Variants in SCUBE2 observed in about 807,000 individuals in gnomAD.
The protein encoded by SCUBE2 is signal peptide, CUB domain and EGF like domain containing 2, also known as signal peptide, CUB and EGF-like domain-containing protein 2.
A neutral mutation model predicts 125.9 loss-of-function variants in SCUBE2; 114 were observed. The ratio of observed to expected loss-of-function variants is 0.91; its 90% CI spans 0.78 to 1.06. SCUBE2 has a LOEUF of 1.06. Ranked by LOEUF, SCUBE2 falls within the 50% of genes least tolerant of loss-of-function variation. The probability of loss-of-function intolerance (pLI) is 0.00; values close to 1 mark genes in which losing one functional copy is unlikely to be tolerated. For missense variants in SCUBE2, 1,255 were observed against 1,301.8 expected, an observed-to-expected ratio of 0.96 and a Z score of 0.55; for synonymous variants, 459 against 492.9, an observed-to-expected ratio of 0.93 and a Z score of 0.91.
intron 16 of SCUBE2, among the ~76,000 whole-genome samples, chr11:9,040,328 G>A (rs1393377403): frequency 6.6e-6 from 1 of 152,188 alleles, no homozygotes; most frequent in Non-Finnish European, 1.5e-5. Flanking sequence ...ATGTGAATGT[G>A]GTCTCTCTCT....
At chr11:9,076,164 G>C (rs1006121598) in intron 3 of SCUBE2, among the ~76,000 whole-genome samples, 1 of 152,114 alleles carries the variant, frequency 6.6e-6, no homozygotes, top group Non-Finnish European at 1.5e-5. Context: ...GCGGGAGTGT[G>C]GGAAGGGAGC....
intron 9 of SCUBE2, among the ~76,000 whole-genome samples, 179 bp from the exon 10 acceptor site, chr11:9,056,088 G>A (rs944442207): frequency 2.6e-5 from 4 of 152,194 alleles, no homozygotes; most frequent in Non-Finnish European, 4.4e-5. Flanking sequence ...CAGCCCACAA[G>A]AAGTATACTG....
At chr11:9,041,443 G>T (rs1276298701) in intron 16 of SCUBE2, among the ~76,000 whole-genome samples, 1 of 152,176 alleles carries the variant, frequency 6.6e-6, no homozygotes, top group Non-Finnish European at 1.5e-5. Context: ...CAGAAAGTAG[G>T]GGAGGAACCG....
intron 2 of SCUBE2, among the ~76,000 whole-genome samples, chr11:9,080,601 A>G (rs1356584654): frequency 6.6e-6 from 1 of 151,846 alleles, no homozygotes; most frequent in Non-Finnish European, 1.5e-5. Flanking sequence ...GTGAGCCAAG[A>G]TGACACCACT....
At chr11:9,053,517 G>A in intron 11 of SCUBE2, 120 bp downstream of exon 11, 1 of 1,142,272 alleles carries the variant, frequency 8.8e-7, no homozygotes, top group Non-Finnish European at 1.3e-6. Context: ...AACAGTTGCT[G>A]CAGCTGGTGG....
At chr11:9,045,602 G>GAC (rs1370380116) in intron 16 of SCUBE2, among the ~76,000 whole-genome samples, 14 of 75,460 alleles carry the variant, frequency 1.9e-4, no homozygotes, top group African/African-American at 4.7e-4. Flanking sequence ...CTAGAAGACA[G>GAC]ACAGACAGAC....
chr11:9,056,338 G>C (rs1416515956), intron 9 of SCUBE2, among the ~76,000 whole-genome samples: 1 of 152,184 alleles, frequency 6.6e-6, no homozygotes, highest in Non-Finnish European at 1.5e-5. Context: ...ATTGAAAGGA[G>C]AAAACACTTG....
chr11:9,090,491 T>TTATTTATTTATTTA (rs201733124), intron 1 of SCUBE2: 1 of 105,342 alleles, frequency 9.5e-6, no homozygotes, highest in Non-Finnish European at 2.3e-5. Context: ...ATTTATTTAT[T>TTATTTATTTATTTA]TTTTTTTTTT....
In SCUBE2 at chr11:9,091,419, C is replaced by T. The variant is rs1468762775; in HGVS notation, c.110G>A (p.Gly37Asp). The change falls in exon 1 of 23, where the codon GGC (glycine) becomes GAC (aspartate). Residue 37 changes from glycine to aspartate, a missense_variant. Around this residue, in one of 3 missense-constraint regions of SCUBE2, gnomAD observed 362 missense variants for 323.0 expected, o/e 1.12. Transcript: ENST00000649792. This position sits in a 1 kb window ranked among gnomAD's most constrained non-coding sequence, Gnocchi z 8.5. ...LLAGAVPPGR[G>D]RAAGPQEDVD... The stretch of plus-strand genomic sequence containing the variant: ...ACCCTCCTGCGGCCCCGCGGCACGG[C>T]CCCGACCCGGCGGGACGGCCCCCGC... 2.3e-6 allele frequency: 3 copies of T among 1,332,034 alleles called. No individual in the cohort carries two copies. Among genetic ancestry groups the T allele is most frequent in the Non-Finnish European group, 2.9e-6 (3 of 1,043,368 alleles). 82.5% of individuals were successfully genotyped at this position (1,332,034 alleles called of 1,614,324 possible).
intron 20 of SCUBE2, chr11:9,026,130 C>A: frequency 3.5e-6 from 1 of 288,766 alleles, no homozygotes; most frequent in Non-Finnish European, 6.4e-6. Context: ...TGGGTGAGGG[C>A]CTCCCATTCC....
At chr11:9,067,187 T>C (rs1284077448) in intron 5 of SCUBE2, among the ~76,000 whole-genome samples, 1 of 152,244 alleles carries the variant, frequency 6.6e-6, no homozygotes, top group Admixed American at 6.5e-5. Flanking sequence ...TGGGAAATGC[T>C]ATAGCACTTT....
intron 19 of SCUBE2, 28 bp downstream of exon 19, chr11:9,029,856 C>G (rs1479955349): frequency 1.2e-6 from 2 of 1,613,652 alleles, no homozygotes; most frequent in African/African-American, 1.3e-5. Flanking sequence ...TTAGCCAGAA[C>G]TATGAAAAGC....
chr11:9,030,653 C>T (rs1379482219), intron 18 of SCUBE2, 105 bp downstream of exon 18: 28 of 1,195,204 alleles, frequency 2.3e-5, no homozygotes, highest in Non-Finnish European at 3.1e-5. Flanking sequence ...CCCCCAGCCA[C>T]TGGGGCACTG....
In SCUBE2 at chr11:9,077,981, C is replaced by T. The variant is rs556199950; in HGVS notation, c.382+1403G>A. On this transcript the variant is annotated intron_variant, in intron 3 of 22. Transcript: ENST00000649792. Reference sequence around the variant, plus strand: ...AGGAACCTTATACTACCCCCCGCCACCCCGGGCTGTGGATTACAGCACAAC... The same window carrying T: ...AGGAACCTTATACTACCCCCCGCCATCCCGGGCTGTGGATTACAGCACAAC... 7.5e-4 allele frequency among the ~76,000 whole-genome samples: 114 copies of T among 152,334 alleles called. 1 individual carries two copies. Among genetic ancestry groups the T allele is most frequent in the Non-Finnish European group, 1.3e-3 (86 of 68,022 alleles).
intron 2 of SCUBE2, among the ~76,000 whole-genome samples, chr11:9,080,542 T>C (rs1861547508): frequency 1.3e-5 from 2 of 151,632 alleles, no homozygotes; most frequent in African/African-American, 4.8e-5. Context: ...TCCCAGCTGC[T>C]TGGGAGGCTG....
chr11:9,048,620 C>A (rs1858036767), intron 14 of SCUBE2, among the ~76,000 whole-genome samples: 1 of 152,140 alleles, frequency 6.6e-6, no homozygotes, highest in African/African-American at 2.4e-5. Context: ...TTTTAAATAA[C>A]CAGGAGCAAT....
At chr11:9,022,496 C>G (rs1390853904) in intron 21 of SCUBE2, 1 of 154,476 alleles carries the variant, frequency 6.5e-6, no homozygotes, top group Non-Finnish European at 1.4e-5. Context: ...TCTCTTAAAC[C>G]CAGTCCAATC....
At chr11:9,046,402 A>G (rs898785793) in intron 16 of SCUBE2, among the ~76,000 whole-genome samples, 2 of 152,046 alleles carry the variant, frequency 1.3e-5, no homozygotes, top group Non-Finnish European at 2.9e-5. Context: ...GAACATACCC[A>G]TGGTAGTATT....
intron 16 of SCUBE2, among the ~76,000 whole-genome samples, chr11:9,043,800 CTATT>C (rs1478774276): frequency 1.2e-4 from 18 of 144,250 alleles, no homozygotes; most frequent in African/African-American, 4.7e-4. Flanking sequence ...GTTAAAATGA[CTATT>C]TTTTTTTTTT....
Sources: gnomAD v4.1 joint callset for allele counts (sites outside exome capture counted in the v4.1 genomes callset) on GRCh38, gnomAD v4.1.1 for gene constraint, gnomAD v4.1.1 regional missense constraint, Gnocchi (gnomAD v3.1) non-coding constraint, MANE v1.5 for transcripts, NCBI Gene and HGNC (gene_info 2026-07-23, HGNC 2026-07-21) for gene names.